SEMA6D: variants seen among roughly 807,000 people sequenced by gnomAD.
The protein encoded by SEMA6D is semaphorin-6D.
A neutral mutation model predicts 106.6 loss-of-function variants in SEMA6D; 35 were observed. That is an observed-to-expected ratio of 0.33 (90% CI 0.25 to 0.44). SEMA6D has a LOEUF of 0.44. Ranked by LOEUF, SEMA6D falls within the 20% of genes least tolerant of loss-of-function variation. The pLI, the probability that SEMA6D is intolerant of heterozygous loss-of-function variation, is 1.00. For missense variants in SEMA6D, 1,185 were observed against 1,345.9 expected (o/e 0.88, Z 1.87); for synonymous variants, 499 against 487.7 (o/e 1.02, Z -0.31).
At chr15:47,509,100 T>A (rs1015648692) in intron 3 of SEMA6D, among the ~76,000 whole-genome samples, 1 of 152,116 alleles carries the variant, frequency 6.6e-6, no homozygotes, top group Non-Finnish European at 1.5e-5. Context: ...AATCACCTCA[T>A]CATGGGAATC....
At chr15:47,436,590 C>CA (rs1186797375) in intron 2 of SEMA6D, among the ~76,000 whole-genome samples, 5 of 150,274 alleles carry the variant, frequency 3.3e-5, no homozygotes, top group Admixed American at 2.7e-4. Flanking sequence ...TTTTATGATG[C>CA]AGAAAAAATG....
chr15:47,730,810 T>G, intron 1 of SEMA6D: 1 of 1,569,262 alleles, frequency 6.4e-7, no homozygotes, highest in Non-Finnish European at 8.7e-7. Flanking sequence ...CTGGATGTCC[T>G]GTCCAATGCC....
chr15:47,698,302 A>C (rs1566995765), intron 4 of SEMA6D, among the ~76,000 whole-genome samples: 2 of 152,208 alleles, frequency 1.3e-5, no homozygotes, highest in African/African-American at 4.8e-5. Flanking sequence ...AAGAGATGAG[A>C]AAAAAAGGGC....
At chr15:47,592,411 A>G (rs868738212) in intron 3 of SEMA6D, among the ~76,000 whole-genome samples, 3 of 152,204 alleles carry the variant, frequency 2.0e-5, no homozygotes, top group South Asian at 2.1e-4. Context: ...GATTAATTGT[A>G]TCTCATCCTA....
At chr15:47,264,129 G>T (rs1595577048) in intron 1 of SEMA6D, among the ~76,000 whole-genome samples, 1 of 151,984 alleles carries the variant, frequency 6.6e-6, no homozygotes, top group South Asian at 2.1e-4. Flanking sequence ...CTCACTTAAA[G>T]TGGGAGCTAA....
At chr15:47,546,602 A>C (rs1210417140) in intron 3 of SEMA6D, among the ~76,000 whole-genome samples, 1 of 152,092 alleles carries the variant, frequency 6.6e-6, no homozygotes, top group Non-Finnish European at 1.5e-5. Context: ...GATGACCTAG[A>C]AAATAATGCC....
intron 4 of SEMA6D, among the ~76,000 whole-genome samples, chr15:47,625,131 A>T (rs912162847): frequency 6.6e-6 from 1 of 152,124 alleles, no homozygotes; most frequent in African/African-American, 2.4e-5. Context: ...TGAAGTTAAG[A>T]TTCTGGTTGA....
At chr15:47,223,916 C>T (rs558742988) in intron 1 of SEMA6D, among the ~76,000 whole-genome samples, 2 of 152,084 alleles carry the variant, frequency 1.3e-5, no homozygotes, top group East Asian at 1.9e-4. Flanking sequence ...TTAGCAATAA[C>T]TACAGATTGT....
At chr15:47,308,660 T>C (rs1448740028) in intron 1 of SEMA6D, among the ~76,000 whole-genome samples, 10 of 152,144 alleles carry the variant, frequency 6.6e-5, no homozygotes, top group Admixed American at 6.5e-4. Flanking sequence ...CGTGAAGAGT[T>C]GTGTTGAGCT....
At chr15:47,286,735 A>T (rs77566819) in intron 1 of SEMA6D, among the ~76,000 whole-genome samples, 153 of 152,268 alleles carry the variant, frequency 1.0e-3, no homozygotes, top group African/African-American at 3.5e-3. Flanking sequence ...TAGAGGTTCT[A>T]ATCTCTCACT....
At chr15:47,586,101 C>G (rs1451113276) in intron 3 of SEMA6D, among the ~76,000 whole-genome samples, 1 of 152,168 alleles carries the variant, frequency 6.6e-6, no homozygotes, top group Non-Finnish European at 1.5e-5. Flanking sequence ...AGTCTTTCTA[C>G]AATTAAATAA....
At chr15:47,755,468 T>C (rs1212991780) in intron 1 of SEMA6D, among the ~76,000 whole-genome samples, 2 of 152,340 alleles carry the variant, frequency 1.3e-5, no homozygotes, top group South Asian at 2.1e-4. Flanking sequence ...TACTTGAATG[T>C]TGGGCAATGT....
At chr15:47,393,909 A>G (rs946542558) in intron 1 of SEMA6D, among the ~76,000 whole-genome samples, 4 of 152,190 alleles carry the variant, frequency 2.6e-5, no homozygotes, top group African/African-American at 9.6e-5. Flanking sequence ...TATAAATCTT[A>G]TGGAGAAGGT....
chr15:47,650,610 C>G (rs953783783), intron 4 of SEMA6D, among the ~76,000 whole-genome samples: 1 of 152,138 alleles, frequency 6.6e-6, no homozygotes, highest in African/African-American at 2.4e-5. Flanking sequence ...TCAAATCTCA[C>G]GTTTATTAAC....
At chr15:47,363,630 G>A (rs950516702) in intron 1 of SEMA6D, among the ~76,000 whole-genome samples, 2 of 152,102 alleles carry the variant, frequency 1.3e-5, no homozygotes, top group East Asian at 1.9e-4. Flanking sequence ...ACCAGGGGGC[G>A]ATTTCATCAT....
At chr15:47,691,714 A>G (rs1160264531) in intron 4 of SEMA6D, among the ~76,000 whole-genome samples, 1 of 152,096 alleles carries the variant, frequency 6.6e-6, no homozygotes, top group African/African-American at 2.4e-5. Flanking sequence ...CACAGGTCAT[A>G]TTCATGAACT....
At chr15:47,243,117 A>C (rs1347600505) in intron 1 of SEMA6D, among the ~76,000 whole-genome samples, 3 of 152,126 alleles carry the variant, frequency 2.0e-5, no homozygotes, top group Non-Finnish European at 4.4e-5. Context: ...TGGAATCTCC[A>C]AACCTGAGTG....
At chr15:47,684,174 G>C (rs776932355) in intron 4 of SEMA6D, among the ~76,000 whole-genome samples, 1 of 151,996 alleles carries the variant, frequency 6.6e-6, no homozygotes, top group African/African-American at 2.4e-5. Context: ...ATGGGTGTTC[G>C]TGTTTGCATT....
At chr15:47,602,547 AT>A (rs894591693) in intron 4 of SEMA6D, among the ~76,000 whole-genome samples, 11 of 148,718 alleles carry the variant, frequency 7.4e-5, no homozygotes, top group Non-Finnish European at 1.3e-4. Context: ...TTTTTTTTTC[AT>A]TTACTGATCA....
Sources: allele counts gnomAD v4.1 joint callset (sites outside exome capture counted in the v4.1 genomes callset), GRCh38; gene constraint gnomAD v4.1.1; transcripts MANE v1.5; gene names NCBI Gene and HGNC (gene_info 2026-07-23, HGNC 2026-07-21).